Variants in NRDC observed in about 807,000 individuals in gnomAD.
The protein encoded by NRDC is nardilysin.
NRDC carries 54 observed loss-of-function variants against 147.1 expected under a neutral mutation model. The observed-to-expected ratio is 0.37, with a 90% CI of 0.29 to 0.46. The LOEUF (loss-of-function observed/expected upper bound fraction) is 0.46. Among genes scored for constraint, NRDC ranks in the 20% least tolerant of loss-of-function variants. The pLI is 1.00. For missense variants in NRDC, 1,082 were observed against 1,370.6 expected (o/e 0.79, Z 3.33); for synonymous variants, 440 against 482.1 (o/e 0.91, Z 1.14).
intron 5 of NRDC, 88 bp from the exon 6 acceptor site, chr1:51,825,470 G>A: frequency 9.9e-7 from 1 of 1,013,074 alleles, no homozygotes; most frequent in South Asian, 1.5e-5. Context: ...CAGAAAGCAA[G>A]GAATTAACAA....
intron 1 of NRDC, among the ~76,000 whole-genome samples, chr1:51,873,804 C>A (rs528255276): frequency 9.9e-4 from 151 of 152,000 alleles, no homozygotes; most frequent in Non-Finnish European, 1.8e-3. Flanking sequence ...AGCCCCCACG[C>A]CCAGCCTGAA....
chr1:51,837,642 G>A, intron 2 of NRDC: 1 of 1,471,062 alleles, frequency 6.8e-7, no homozygotes, highest in South Asian at 1.5e-5. Flanking sequence ...ATTCATACTT[G>A]AGAATTTTCT....
chr1:51,840,141 C>T (rs1681191668), intron 2 of NRDC, 85 bp downstream of exon 2: 1 of 1,061,540 alleles, frequency 9.4e-7, no homozygotes, highest in Non-Finnish European at 1.4e-6. Flanking sequence ...CTATATACTT[C>T]CTTTTTGCCA....
rs762252323 is a variant in NRDC, at chr1:51,878,665, C to T, written c.-50G>A. On this transcript the variant is annotated 5_prime_UTR_variant, in exon 1 of 31. Coordinates refer to ENST00000352171, the MANE Select transcript of NRDC (RefSeq NM_001101662.2). ...CATCCCGCTTCCCAGGACCCACCTC[C>T]TCCGCGTTCTAGAGGCGGTGGCGGC... The T allele has an allele frequency of 3.6e-4, 543 of 1,516,776 alleles. 1 individual carries two copies. The highest frequency in any genetic ancestry group is 4.4e-4 in the Non-Finnish European group (492 of 1,116,488). The allele number at this position is 1,516,776 out of a possible 1,614,324, so 94.0% of individuals were successfully genotyped here. A position where few individuals can be genotyped will look rare whatever the true frequency, so the allele number is the denominator to read the frequency against.
intron 24 of NRDC, 148 bp from the exon 25 acceptor site, chr1:51,792,572 T>C (rs1273145979): frequency 4.2e-6 from 3 of 712,786 alleles, no homozygotes; most frequent in Non-Finnish European, 7.3e-6. Flanking sequence ...TGTTTACATA[T>C]CTGCTTTCCC....
intron 1 of NRDC, among the ~76,000 whole-genome samples, chr1:51,861,589 G>A (rs577710996): frequency 3.3e-5 from 5 of 151,908 alleles, no homozygotes; most frequent in African/African-American, 4.8e-5. Context: ...CAGGCAATCC[G>A]CCCCCCTTGG....
chr1:51,836,006 TAGCC>T, intron 3 of NRDC, 121 bp downstream of exon 3: 2 of 728,970 alleles, frequency 2.7e-6, no homozygotes, highest in Admixed American at 5.3e-5. Context: ...GATTTTTTCT[TAGCC>T]TTTTCTCTTG....
chr1:51,792,258 T>A, intron 25 of NRDC, 119 bp downstream of exon 25: 1 of 1,333,018 alleles, frequency 7.5e-7, no homozygotes, highest in Non-Finnish European at 1.1e-6. Flanking sequence ...TAAATGACCA[T>A]CTCACCTTCA....
At chr1:51,812,401 G>A (rs532707493) in intron 14 of NRDC, among the ~76,000 whole-genome samples, 14 of 152,190 alleles carry the variant, frequency 9.2e-5, no homozygotes, top group African/African-American at 2.6e-4. Flanking sequence ...GGCAGTACAC[G>A]CCTGTAGTGT....
chr1:51,798,207 C>A (rs1465058208), intron 22 of NRDC, 42 bp downstream of exon 22: 2 of 1,599,134 alleles, frequency 1.3e-6, no homozygotes, highest in African/African-American at 1.3e-5. Context: ...CCAGAGTTCA[C>A]AACTGCATTC....
chr1:51,821,638 C>A (rs1680210559), intron 7 of NRDC, 83 bp from the exon 8 acceptor site: 1 of 985,590 alleles, frequency 1.0e-6, no homozygotes, highest in South Asian at 1.4e-5. Flanking sequence ...TCTCAGAGAT[C>A]TTTAGCTAAA....
In NRDC at chr1:51,814,819, G is replaced by A. The variant is rs1470535763; in HGVS notation, c.1440-6C>T. On this transcript the variant is annotated splice_polypyrimidine_tract_variant and splice_region_variant and intron_variant, in intron 11 of 30. Coordinates refer to ENST00000352171, the MANE Select transcript of NRDC (RefSeq NM_001101662.2). ...ACAGTGCAAGAGCCCAGCATCTACA[G>A]GTGGGGAAAAAATTAACCCAATCAA... 1 of 1,567,796 alleles carries A rather than the reference G, an allele frequency of 6.4e-7. No individual in the cohort carries two copies. The highest frequency in any genetic ancestry group is 2.2e-5 in the East Asian group (1 of 44,552).
At chr1:51,810,510 C>T (rs756726869) in intron 15 of NRDC, 106 bp from the exon 16 acceptor site, 34 of 944,400 alleles carry the variant, frequency 3.6e-5, no homozygotes, top group Non-Finnish European at 5.3e-5. Context: ...GATCTATGCT[C>T]ATAAAAATAC....
chr1:51,816,351 T>C lies in NRDC; in HGVS notation c.1400A>G (p.His467Arg), dbSNP rs1679965752. Residue 467 changes from histidine (H) to arginine (R), a missense_variant, in exon 11 of 31, where the codon CAT becomes CGT. Around this residue, in one of 3 missense-constraint regions of NRDC, gnomAD observed 635 missense variants for 923.8 expected, o/e 0.69. Transcript: ENST00000352171. ...PLHYISWLVG[H>R]EGKGSILSFL... ...AGAAAGAATGCTGCCTTTGCCTTCA[T>C]GTCCAACCAGCCAGGATATATAATG... 1.2e-6 allele frequency: 2 copies of C among 1,601,930 alleles called. No individual in the cohort carries two copies. The highest frequency in any genetic ancestry group is 1.7e-6 in the Non-Finnish European group (2 of 1,173,968).
chr1:51,877,844 C>T (rs185199488), intron 1 of NRDC: 74 of 204,270 alleles, frequency 3.6e-4, no homozygotes, highest in Admixed American at 3.2e-3. Flanking sequence ...AACTTTCGTC[C>T]ACTAGTTTCA....
At chr1:51,795,240 C>T (rs925263649) in intron 22 of NRDC, 4 of 1,283,654 alleles carry the variant, frequency 3.1e-6, no homozygotes, top group African/African-American at 1.5e-5. Flanking sequence ...ACATTTAATA[C>T]TGAGTGAATA....
intron 1 of NRDC, among the ~76,000 whole-genome samples, chr1:51,848,467 C>T (rs956836983): frequency 2.6e-5 from 4 of 152,016 alleles, no homozygotes; most frequent in African/African-American, 7.2e-5. Context: ...AATGACAGAG[C>T]GAGACTCCGT....
intron 1 of NRDC, among the ~76,000 whole-genome samples, chr1:51,844,849 GGAA>G (rs1681470934): frequency 7.8e-6 from 1 of 128,088 alleles, no homozygotes; most frequent in Non-Finnish European, 1.6e-5. Context: ...AAGGAAGGAA[GGAA>G]GGAAGGAAGG....
chr1:51,810,895 A>AC (rs1168518316), intron 15 of NRDC, among the ~76,000 whole-genome samples: 2 of 152,206 alleles, frequency 1.3e-5, no homozygotes, highest in Non-Finnish European at 2.9e-5. Flanking sequence ...AGTTCTAACT[A>AC]AATTTGTACA....
Sources: gnomAD v4.1 joint callset for allele counts (sites outside exome capture counted in the v4.1 genomes callset) on GRCh38, gnomAD v4.1.1 for gene constraint, gnomAD v4.1.1 regional missense constraint, MANE v1.5 for transcripts, NCBI Gene and HGNC (gene_info 2026-07-23, HGNC 2026-07-21) for gene names.